The following PIAS2 variants were observed in gnomAD, a reference collection of about 807,000 sequenced individuals.
PIAS2 encodes the protein E3 SUMO-protein ligase PIAS2.
PIAS2 carries 19 observed loss-of-function variants against 69.7 expected under a neutral mutation model. That is an observed-to-expected ratio of 0.27 (90% confidence interval 0.19 to 0.40). The LOEUF is 0.40. Among genes scored for constraint, PIAS2 ranks in the 10% least tolerant of loss-of-function variants. The pLI is 1.00. For synonymous variants in PIAS2, 261 were observed against 263.2 expected (o/e 0.99, Z 0.08); for missense variants, 624 against 757.0 (o/e 0.82, Z 2.06).
At chr18:46,835,460 T>C (rs1404915637) in intron 9 of PIAS2, among the ~76,000 whole-genome samples, 1 of 152,170 alleles carries the variant, frequency 6.6e-6, no homozygotes, top group Non-Finnish European at 1.5e-5. Flanking sequence ...CTTGTAAAAC[T>C]TTTGTTGTTT....
rs200927393 is a variant in PIAS2, at chr18:46,844,725, A to G, written c.967+9T>C. On this transcript the variant is annotated intron_variant, in intron 7 of 13. Coordinates refer to ENST00000585916, the MANE Select transcript of PIAS2 (RefSeq NM_004671.5). The stretch of plus-strand genomic sequence containing the variant: ...TTTTAAATGCTTGGTCTTATTAAAC[A>G]TTACTTACTTAGTGCTCTGGAATGA... 54 of 1,100,464 alleles carry G rather than the reference A, an allele frequency of 4.9e-5. No individual in the cohort carries two copies. The highest frequency in any genetic ancestry group is 5.7e-5 in the Admixed American group (2 of 34,900). The allele number at this position is 1,100,464 out of a possible 1,614,324, so 68.2% of individuals were successfully genotyped here. A position where few individuals can be genotyped will look rare whatever the true frequency, so the allele number is the denominator to read the frequency against.
chr18:46,870,710 C>T (rs1474298429), intron 2 of PIAS2, among the ~76,000 whole-genome samples: 1 of 150,698 alleles, frequency 6.6e-6, no homozygotes, highest in Non-Finnish European at 1.5e-5. Context: ...TTCTTAGGGC[C>T]ACAGCTGTAT....
chr18:46,872,584 T>C (rs1281429321), intron 2 of PIAS2, among the ~76,000 whole-genome samples: 3 of 152,124 alleles, frequency 2.0e-5, no homozygotes, highest in African/African-American at 7.2e-5. Flanking sequence ...TTCTTAACCA[T>C]TTACAAGAGA....
At chr18:46,877,609 C>A (rs2080923765) in intron 2 of PIAS2, among the ~76,000 whole-genome samples, 1 of 152,140 alleles carries the variant, frequency 6.6e-6, no homozygotes. Context: ...CCCCTTCCTA[C>A]CTAATTATTC....
intron 10 of PIAS2, 71 bp from the exon 11 acceptor site, chr18:46,828,201 A>C (rs1247049708): frequency 4.9e-5 from 64 of 1,300,062 alleles, no homozygotes; most frequent in Non-Finnish European, 6.1e-5. Context: ...GGTAGAGTCT[A>C]GTATATTCAG....
At chr18:46,872,549 C>A (rs1686420189) in intron 2 of PIAS2, among the ~76,000 whole-genome samples, 1 of 152,222 alleles carries the variant, frequency 6.6e-6, no homozygotes, top group African/African-American at 2.4e-5. Flanking sequence ...AGCTATAGAA[C>A]AGGTGGCTGT....
chr18:46,866,406 T>G (rs2049470167), intron 2 of PIAS2, among the ~76,000 whole-genome samples: 1 of 152,174 alleles, frequency 6.6e-6, no homozygotes, highest in Non-Finnish European at 1.5e-5. Context: ...AAGAACAAAC[T>G]CAACTGAAAA....
chr18:46,854,070 T>C (rs1187219221), intron 5 of PIAS2, among the ~76,000 whole-genome samples: 1 of 152,068 alleles, frequency 6.6e-6, no homozygotes, highest in Non-Finnish European at 1.5e-5. Context: ...ATTTCTCAGG[T>C]CTCTAAGTCC....
intron 11 of PIAS2, 103 bp downstream of exon 11, chr18:46,827,856 G>A (rs1049445787): frequency 1.2e-5 from 12 of 993,082 alleles, no homozygotes; most frequent in Non-Finnish European, 1.8e-5. Flanking sequence ...AATTAAAATA[G>A]CCTTCTACAG....
chr18:46,908,247 T>C (rs2056858292), intron 1 of PIAS2, among the ~76,000 whole-genome samples: 1 of 152,186 alleles, frequency 6.6e-6, no homozygotes, highest in Non-Finnish European at 1.5e-5. Flanking sequence ...AGTGATGGGA[T>C]TACAGCCTTG....
intron 2 of PIAS2, among the ~76,000 whole-genome samples, chr18:46,868,055 C>G (rs1190538950): frequency 1.3e-5 from 2 of 152,188 alleles, no homozygotes; most frequent in African/African-American, 4.8e-5. Context: ...GGGAAGATGC[C>G]TCCAAGTGAT....
intron 12 of PIAS2, chr18:46,816,767 T>C: frequency 2.0e-6 from 2 of 982,928 alleles, no homozygotes; most frequent in Non-Finnish European, 1.2e-6. Flanking sequence ...CGCACCCAGC[T>C]TGCTGTAATT....
At chr18:46,860,428 C>G (rs2048482501) in intron 3 of PIAS2, among the ~76,000 whole-genome samples, 1 of 152,094 alleles carries the variant, frequency 6.6e-6, no homozygotes, top group Non-Finnish European at 1.5e-5. Flanking sequence ...ACCAGGGCTC[C>G]CTGGAGAACT....
At chr18:46,816,887 A>G in intron 12 of PIAS2, 1 of 947,634 alleles carries the variant, frequency 1.1e-6, no homozygotes, top group Non-Finnish European at 1.3e-6. Context: ...TAAAATGATA[A>G]TAGGTGAGAT....
At chr18:46,825,411 A>C (rs546162649) in intron 11 of PIAS2, among the ~76,000 whole-genome samples, 23 of 152,318 alleles carry the variant, frequency 1.5e-4, no homozygotes, top group African/African-American at 5.3e-4. Flanking sequence ...ACTGGACCTA[A>C]ATCTGGTAAT....
chr18:46,896,379 G>A (rs543786934), intron 1 of PIAS2, among the ~76,000 whole-genome samples: 5 of 152,132 alleles, frequency 3.3e-5, no homozygotes, highest in Admixed American at 1.3e-4. Flanking sequence ...TACTCCATCT[G>A]ATTCAAGAAG....
At position 46,887,907 on chromosome 18, in the gene PIAS2, AAAAG is replaced by A. The variant is rs1489737366; in HGVS notation, c.499+2669_499+2672del. 3.3e-5 allele frequency among the ~76,000 whole-genome samples: 5 copies of A among 152,346 alleles called. No homozygotes were observed. In the East Asian group the frequency reaches 7.7e-4, roughly 23 times the overall value. ...AAAGAAATAAAAGGCATACAAACAGAAAAGAAAGAAGTAAAATTATTCCTGTTCA... is the reference window on the plus strand; with the variant it reads ...AAAGAAATAAAAGGCATACAAACAGAAAAGAAGTAAAATTATTCCTGTTCA... On this transcript the variant is annotated intron_variant, in intron 2 of 13. Transcript: ENST00000585916.
At chr18:46,886,252 A>G (rs2053164576) in intron 2 of PIAS2, among the ~76,000 whole-genome samples, 1 of 152,212 alleles carries the variant, frequency 6.6e-6, no homozygotes, top group Non-Finnish European at 1.5e-5. Context: ...AAGCCATATC[A>G]CTAGTCTGAA....
At chr18:46,887,387 T>TA (rs1482808915) in intron 2 of PIAS2, among the ~76,000 whole-genome samples, 1 of 151,916 alleles carries the variant, frequency 6.6e-6, no homozygotes, top group Non-Finnish European at 1.5e-5. Context: ...GTAAGACAGG[T>TA]AAAAAAGCAC....
Sources: gnomAD v4.1 joint callset for allele counts (sites outside exome capture counted in the v4.1 genomes callset) on GRCh38, gnomAD v4.1.1 for gene constraint, MANE v1.5 for transcripts, NCBI Gene and HGNC (gene_info 2026-07-23, HGNC 2026-07-21) for gene names.